The following RYR2 variants were observed in gnomAD, a reference collection of about 807,000 sequenced individuals.
RYR2 encodes the protein ryanodine receptor 2.
RYR2 carries 227 observed loss-of-function variants against 601.1 expected under a neutral mutation model. The observed-to-expected ratio is 0.38, with a 90% CI of 0.34 to 0.42. RYR2 has a LOEUF of 0.42. RYR2 is among the 10% of genes least tolerant of loss of function. RYR2 has a pLI of 1.00. For synonymous variants in RYR2, 2,223 were observed against 2,175.1 expected, an observed-to-expected ratio of 1.02 and a Z score of -0.61; for missense variants, 4,646 against 6,156.5, an observed-to-expected ratio of 0.75 and a Z score of 8.21.
intron 62 of RYR2, among the ~76,000 whole-genome samples, chr1:237,683,776 C>T (rs541917771): frequency 6.6e-6 from 1 of 152,266 alleles, no homozygotes; most frequent in Admixed American, 6.5e-5. Flanking sequence ...GAAATACAGT[C>T]TGGCAGCAAA....
At chr1:237,665,589 T>C (rs1028340331) in intron 56 of RYR2, among the ~76,000 whole-genome samples, 2 of 152,110 alleles carry the variant, frequency 1.3e-5, no homozygotes, top group African/African-American at 4.8e-5. Flanking sequence ...CAGAGAAAGC[T>C]GGATTCATTC....
intron 1 of RYR2, among the ~76,000 whole-genome samples, chr1:237,134,653 TTGTC>T (rs1429356781): frequency 2.0e-5 from 3 of 152,168 alleles, no homozygotes; most frequent in African/African-American, 4.8e-5. Flanking sequence ...ATCAATCAGT[TTGTC>T]TGATGTTCTC....
chr1:237,084,883 G>A (rs1305296758), intron 1 of RYR2, among the ~76,000 whole-genome samples: 1 of 152,230 alleles, frequency 6.6e-6, no homozygotes. Flanking sequence ...GCCGGGGCCG[G>A]CCCTCTTGTA....
intron 1 of RYR2, among the ~76,000 whole-genome samples, chr1:237,228,411 T>C (rs1163163784): frequency 1.3e-5 from 2 of 152,228 alleles, no homozygotes; most frequent in Non-Finnish European, 2.9e-5. Context: ...ATTTTTGCAA[T>C]TTTGAATTGT....
intron 24 of RYR2, among the ~76,000 whole-genome samples, chr1:237,525,740 G>GAT (rs1476642177): frequency 1.3e-5 from 2 of 152,084 alleles, no homozygotes; most frequent in Non-Finnish European, 2.9e-5. Context: ...AGCACTGTGG[G>GAT]AGGCCAAGGC....
chr1:237,516,696 G>A (rs1025371073), intron 24 of RYR2, among the ~76,000 whole-genome samples: 2 of 152,172 alleles, frequency 1.3e-5, no homozygotes. Flanking sequence ...CATTTAGGGT[G>A]TTGAGTCTTT....
At chr1:237,482,273 G>A (rs181180832) in intron 17 of RYR2, among the ~76,000 whole-genome samples, 133 of 152,122 alleles carry the variant, frequency 8.7e-4, no homozygotes, top group African/African-American at 3.1e-3. Flanking sequence ...TCGCACTGTT[G>A]TGCTATCTAG....
chr1:237,134,247 A>C (rs1210302536), intron 1 of RYR2, among the ~76,000 whole-genome samples: 2 of 152,186 alleles, frequency 1.3e-5, no homozygotes, highest in East Asian at 3.9e-4. Flanking sequence ...CCTCCCTTAG[A>C]AAGAACAACC....
At chr1:237,305,703 A>G (rs1572538978) in intron 2 of RYR2, among the ~76,000 whole-genome samples, 1 of 152,336 alleles carries the variant, frequency 6.6e-6, no homozygotes, top group East Asian at 1.9e-4. Context: ...GAATGCTGGC[A>G]TTACAGGCAT....
At chr1:237,158,759 T>C (rs764272486) in intron 1 of RYR2, among the ~76,000 whole-genome samples, 9 of 151,820 alleles carry the variant, frequency 5.9e-5, no homozygotes, top group Non-Finnish European at 1.2e-4. Context: ...CAAAACAGAG[T>C]AGGTAGGGAA....
intron 34 of RYR2, among the ~76,000 whole-genome samples, chr1:237,601,466 C>A (rs1162102670): frequency 6.6e-6 from 1 of 152,018 alleles, no homozygotes; most frequent in Non-Finnish European, 1.5e-5. Context: ...AGCAGATACC[C>A]AATGGGTATA....
intron 88 of RYR2, among the ~76,000 whole-genome samples, 186 bp from the exon 89 acceptor site, chr1:237,781,379 G>GAA (rs1187261537): frequency 6.6e-6 from 1 of 152,180 alleles, no homozygotes; most frequent in Non-Finnish European, 1.5e-5. Flanking sequence ...AACATGAGTT[G>GAA]AAATCAGTAA....
At chr1:237,758,496 GTCTGTGTA>G (rs1573831360) in intron 82 of RYR2, among the ~76,000 whole-genome samples, 2 of 152,138 alleles carry the variant, frequency 1.3e-5, no homozygotes, top group South Asian at 4.1e-4. Context: ...ATATATGTGT[GTCTGTGTA>G]TCTGTGTATC....
intron 29 of RYR2, among the ~76,000 whole-genome samples, chr1:237,579,957 G>A (rs879724567): frequency 9.2e-5 from 14 of 152,080 alleles, no homozygotes; most frequent in African/African-American, 1.2e-4. Context: ...GTGAAGAAAC[G>A]CAGATGATAT....
intron 17 of RYR2, among the ~76,000 whole-genome samples, chr1:237,490,190 G>A (rs1319117557): frequency 1.3e-5 from 2 of 152,138 alleles, no homozygotes; most frequent in Non-Finnish European, 2.9e-5. Context: ...GGGAGGAAGG[G>A]GGATCGAACA....
intron 16 of RYR2, among the ~76,000 whole-genome samples, chr1:237,457,030 T>C (rs183401059): frequency 2.4e-4 from 37 of 152,320 alleles, no homozygotes; most frequent in African/African-American, 8.2e-4. Flanking sequence ...CCAAATCAAA[T>C]GGTGCTTAGT....
chr1:237,648,995 A>C (rs1682451030), intron 49 of RYR2, among the ~76,000 whole-genome samples: 1 of 152,260 alleles, frequency 6.6e-6, no homozygotes, highest in South Asian at 2.1e-4. Flanking sequence ...AAGCAATGAA[A>C]GAATTAAGAT....
intron 59 of RYR2, 37 bp downstream of exon 59, chr1:237,674,256 A>G: frequency 1.3e-6 from 2 of 1,508,820 alleles, no homozygotes; most frequent in Non-Finnish European, 1.8e-6. Flanking sequence ...CACTCTTTTC[A>G]CAAGAGTGAA....
intron 8 of RYR2, 41 bp from the exon 9 acceptor site, chr1:237,387,240 C>T (rs1159693771): frequency 6.4e-7 from 1 of 1,574,652 alleles, no homozygotes; most frequent in Non-Finnish European, 8.7e-7. Flanking sequence ...TTACAGCTTA[C>T]CAGAGCCTGA....
Sources: allele counts gnomAD v4.1 joint callset (sites outside exome capture counted in the v4.1 genomes callset), GRCh38; gene constraint gnomAD v4.1.1; transcripts MANE v1.5; gene names NCBI Gene and HGNC (gene_info 2026-07-23, HGNC 2026-07-21).